The following FAM81A variants were observed in gnomAD, a reference collection of about 807,000 sequenced individuals.
FAM81A encodes family with sequence similarity 81 member A.
A neutral mutation model predicts 46.7 loss-of-function variants in FAM81A; 19 were observed. The observed-to-expected ratio is 0.41, with a 90% CI of 0.28 to 0.60. FAM81A has a LOEUF of 0.60. FAM81A is among the 20% of genes least tolerant of loss of function. FAM81A has a pLI of 0.34. For synonymous variants in FAM81A, 183 were observed against 152.9 expected, an observed-to-expected ratio of 1.20 and a Z score of -1.45; for missense variants, 377 against 453.5, an observed-to-expected ratio of 0.83 and a Z score of 1.53.
intron 2 of FAM81A, among the ~76,000 whole-genome samples, chr15:59,416,333 C>A (rs991204500): frequency 5.3e-5 from 8 of 152,208 alleles, no homozygotes; most frequent in Non-Finnish European, 7.3e-5. Context: ...ATTTGTCTCG[C>A]CAAAGGATGG....
intron 1 of FAM81A, among the ~76,000 whole-genome samples, chr15:59,452,736 T>G (rs2081434205): frequency 1.3e-5 from 2 of 152,200 alleles, no homozygotes; most frequent in African/African-American, 4.8e-5. Context: ...AAATGCAGCA[T>G]ACACATAGTC....
Position 59,470,772 on chromosome 15 carries a change from T to C in FAM81A, c.294+10566T>C, listed in dbSNP as rs137938324. 7.9e-3 allele frequency among the ~76,000 whole-genome samples: 1,210 copies of C among 152,316 alleles called. 18 individuals are homozygous for C. The highest frequency in any genetic ancestry group is 0.028 in the African/African-American group (1,151 of 41,566). On this transcript the variant is annotated intron_variant, in intron 3 of 8. Transcript: ENST00000288228. ...CACCCGTCTTCTGCATTGATCATGC[T>C]GGGAGCTGCAGACCAGAGCTGTTCC...
At chr15:59,430,589 T>C (rs1213612680) in intron 2 of FAM81A, among the ~76,000 whole-genome samples, 3 of 152,120 alleles carry the variant, frequency 2.0e-5, no homozygotes, top group African/African-American at 7.2e-5. Flanking sequence ...TGGTACCTAA[T>C]TTGGTTCAGT....
rs2082170260 is a variant in FAM81A at position 59,508,292 on chromosome 15, G to A, written c.544-571G>A. Among the ~76,000 whole-genome samples, 4 of 152,142 alleles carry A rather than the reference G, an allele frequency of 2.6e-5. No individual in the cohort carries two copies. The South Asian group carries it at 8.3e-4, about 32-fold the overall frequency. On this transcript the variant is annotated intron_variant, in intron 5 of 8. Transcript: ENST00000288228. Reference sequence around the variant, plus strand: ...TCTGACAAATACCATGAATCTTTAAGTAAGGAACATGGAACATTCTAATTT... The same window carrying A: ...TCTGACAAATACCATGAATCTTTAAATAAGGAACATGGAACATTCTAATTT...
chr15:59,432,586 C>G (rs1448298033), intron 2 of FAM81A, among the ~76,000 whole-genome samples: 1 of 152,124 alleles, frequency 6.6e-6, no homozygotes, highest in Non-Finnish European at 1.5e-5. Flanking sequence ...GGCCCAAGTT[C>G]AAATTCTAGC....
intron 1 of FAM81A, among the ~76,000 whole-genome samples, chr15:59,455,540 A>G (rs796424629): frequency 5.3e-5 from 8 of 152,344 alleles, no homozygotes; most frequent in South Asian, 4.1e-4. Flanking sequence ...CATCTGCAAT[A>G]TAGATTCCAC....
At chr15:59,435,218 C>A (rs189413891), upstream of FAM81A, among the ~76,000 whole-genome samples, 1 of 152,158 alleles carries the variant, frequency 6.6e-6, no homozygotes, top group Non-Finnish European at 1.5e-5. Context: ...ACCCGGGAGG[C>A]AGAGGTTGCA....
intron 1 of FAM81A, among the ~76,000 whole-genome samples, chr15:59,446,263 T>C (rs1350511026): frequency 6.6e-6 from 1 of 152,204 alleles, no homozygotes; most frequent in Non-Finnish European, 1.5e-5. Flanking sequence ...ATAGCTGTTA[T>C]TAATAGAGGA....
chr15:59,501,328 A>G (rs1464425043), intron 4 of FAM81A, among the ~76,000 whole-genome samples: 3 of 152,106 alleles, frequency 2.0e-5, no homozygotes, highest in African/African-American at 4.8e-5. Flanking sequence ...TCCTCTGTTG[A>G]TATCACACCC....
At chr15:59,449,108 A>G (rs2081385123) in intron 1 of FAM81A, among the ~76,000 whole-genome samples, 1 of 152,198 alleles carries the variant, frequency 6.6e-6, no homozygotes, top group Non-Finnish European at 1.5e-5. Flanking sequence ...AAAATGCTTT[A>G]AGAGTAGAGA....
intron 2 of FAM81A, among the ~76,000 whole-genome samples, chr15:59,458,946 G>C (rs943316509): frequency 3.3e-5 from 5 of 152,218 alleles, no homozygotes; most frequent in African/African-American, 1.2e-4. Flanking sequence ...GCAGATTAGG[G>C]GCCTATCGGC....
At position 59,516,629 on chromosome 15, in the gene FAM81A, T is replaced by G. The variant is rs1476516181; in HGVS notation, c.787-16T>G. The G allele has an allele frequency of 6.2e-6, 10 of 1,604,332 alleles. No individual in the cohort carries two copies. The highest frequency in any genetic ancestry group is 8.5e-6 in the Non-Finnish European group (10 of 1,177,668). ...TTTTTGGAGTGATTAAGTGCAGTTC[T>G]TATCATGGATCTCAGGGAGCCAGTG... is the stretch of plus-strand genomic sequence containing the variant. On this transcript the variant is annotated splice_polypyrimidine_tract_variant and intron_variant, in intron 7 of 8. Transcript: ENST00000288228.
At chr15:59,508,835 A>G (rs189929963) in intron 5 of FAM81A, 28 bp from the exon 6 acceptor site, 4 of 1,578,590 alleles carry the variant, frequency 2.5e-6, no homozygotes, top group East Asian at 4.5e-5. Context: ...GTTAGATGTG[A>G]TATTTATAAG....
At chr15:59,439,980 C>G (rs2081280099) in intron 1 of FAM81A, 1 of 152,290 alleles carries the variant, frequency 6.6e-6, no homozygotes, top group African/African-American at 2.4e-5. Flanking sequence ...CTCCCGAGCA[C>G]CAGAGCCTGA....
chr15:59,398,818 A>G (rs2081058279), intron 1 of FAM81A, among the ~76,000 whole-genome samples: 1 of 150,982 alleles, frequency 6.6e-6, no homozygotes, highest in African/African-American at 2.4e-5. Context: ...TTCTAGTGCA[A>G]AACTTCACCA....
At chr15:59,420,426 G>A (rs1041547992) in intron 2 of FAM81A, among the ~76,000 whole-genome samples, 1 of 152,162 alleles carries the variant, frequency 6.6e-6, no homozygotes, top group Non-Finnish European at 1.5e-5. Flanking sequence ...CCTTAACTAA[G>A]GGAAGCTAAA....
chr15:59,495,513 C>A (rs539457867), intron 4 of FAM81A, among the ~76,000 whole-genome samples: 1 of 152,156 alleles, frequency 6.6e-6, no homozygotes, highest in Non-Finnish European at 1.5e-5. Flanking sequence ...CATAGGTTTT[C>A]ATTTCTCTTG....
At chr15:59,466,318 A>G (rs2081612351) in intron 3 of FAM81A, among the ~76,000 whole-genome samples, 1 of 152,188 alleles carries the variant, frequency 6.6e-6, no homozygotes, top group African/African-American at 2.4e-5. Context: ...TTACACTCCC[A>G]CCAACAGTGT....
chr15:59,492,412 C>G (rs1203612199), intron 4 of FAM81A, 23 bp downstream of exon 4: 2 of 1,583,554 alleles, frequency 1.3e-6, no homozygotes, highest in African/African-American at 2.7e-5. Context: ...ATGTTGGGGT[C>G]TCTGCTCATC....
Sources: allele counts gnomAD v4.1 joint callset (sites outside exome capture counted in the v4.1 genomes callset), GRCh38; gene constraint gnomAD v4.1.1; transcripts MANE v1.5; gene names NCBI Gene and HGNC (gene_info 2026-07-23, HGNC 2026-07-21).